ZNF486: variants seen among roughly 807,000 people sequenced by gnomAD.
ZNF486 encodes zinc finger protein 486, also known as KRAB box only protein 2.
A neutral mutation model predicts 12.8 loss-of-function variants in ZNF486; 12 were observed. The observed-to-expected ratio is 0.94, with a 90% CI of 0.60 to 1.52. ZNF486 has a LOEUF of 1.52. ZNF486 is among the 40% of genes most tolerant of loss of function. ZNF486 has a pLI of 0.00. For synonymous variants in ZNF486, 231 were observed against 184.9 expected (o/e 1.25, Z -2.02); for missense variants, 738 against 545.0 (o/e 1.35, Z -3.53).
In ZNF486 at chr19:20,198,941, T is replaced by A. The variant is rs1044104543; in HGVS notation, c.*839T>A. 18 of 152,026 alleles carry A rather than the reference T, an allele frequency of 1.2e-4. No individual in the cohort carries two copies. The highest frequency in any genetic ancestry group is 4.4e-4 in the African/African-American group (18 of 41,376). 9.4% of individuals were successfully genotyped at this position (152,026 alleles called of 1,614,324 possible). A position where few individuals can be genotyped will look rare whatever the true frequency, so the allele number is the denominator to read the frequency against. ...CCAACTTTTCTATGCATAAAAAAAA[T>A]TATACTACACCATAGAAATGTATGA... On this transcript the variant is annotated 3_prime_UTR_variant, in exon 4 of 4. Coordinates refer to ENST00000335117, the MANE Select transcript of ZNF486 (RefSeq NM_052852.4).
intron 1 of ZNF486, among the ~76,000 whole-genome samples, chr19:20,167,697 G>T (rs1298067483): frequency 1.3e-5 from 2 of 152,130 alleles, no homozygotes; most frequent in Non-Finnish European, 2.9e-5. Flanking sequence ...GCGGGTTCAC[G>T]ATTCGGAAGA....
intron 1 of ZNF486, among the ~76,000 whole-genome samples, chr19:20,180,551 T>C (rs1555715406): frequency 1.3e-5 from 2 of 152,206 alleles, no homozygotes; most frequent in African/African-American, 4.8e-5. Flanking sequence ...CCTGAAGGGA[T>C]ATTTATGAAT....
chr19:20,196,847 G>A, intron 3 of ZNF486, 117 bp from the exon 4 acceptor site: 2 of 1,284,030 alleles, frequency 1.6e-6, no homozygotes, highest in Non-Finnish European at 2.1e-6. Flanking sequence ...TACAGCTTGT[G>A]GCATTTTGCT....
chr19:20,183,699 T>TATTA (rs10701063), intron 1 of ZNF486, among the ~76,000 whole-genome samples: 55,394 of 151,674 alleles, frequency 0.37, 13,898 homozygotes, highest in African/African-American at 0.71. Context: ...TTCTATTCAT[T>TATTA]ATTATGTTTA....
intron 1 of ZNF486, among the ~76,000 whole-genome samples, chr19:20,169,854 G>C (rs964682111): frequency 6.7e-6 from 1 of 149,656 alleles, no homozygotes; most frequent in Admixed American, 6.7e-5. Context: ...TGAAATCACC[G>C]TGTTCTTAGA....
intron 1 of ZNF486, among the ~76,000 whole-genome samples, chr19:20,172,440 A>G (rs2089658794): frequency 6.6e-6 from 1 of 151,944 alleles, no homozygotes; most frequent in Non-Finnish European, 1.5e-5. Context: ...CTGGGATTAC[A>G]GGCACCTGCA....
intron 3 of ZNF486, among the ~76,000 whole-genome samples, chr19:20,186,808 G>T (rs2089852788): frequency 3.3e-5 from 3 of 90,134 alleles, no homozygotes; most frequent in African/African-American, 5.6e-5. Flanking sequence ...TTTTGAGAAG[G>T]AGTCTTGCTC....
intron 1 of ZNF486, among the ~76,000 whole-genome samples, chr19:20,173,390 G>T (rs2089671150): frequency 6.6e-6 from 1 of 151,884 alleles, no homozygotes; most frequent in African/African-American, 2.4e-5. Context: ...ATTATTTCTG[G>T]GCTCTCTATT....
intron 1 of ZNF486, among the ~76,000 whole-genome samples, chr19:20,171,917 G>C (rs576275038): frequency 8.7e-4 from 132 of 151,538 alleles, no homozygotes; most frequent in African/African-American, 3.0e-3. Flanking sequence ...TCTCCTCTTT[G>C]TGTTCATGTG....
At position 20,198,251 on chromosome 19, in the gene ZNF486, G is replaced by GCAC. The variant is rs1555718440; in HGVS notation, c.*156_*158dup. On this transcript the variant is annotated 3_prime_UTR_variant, in exon 4 of 4. Transcript: ENST00000335117. ...CCTTAGTAGCTAGGATTACAGGGCT[G>GCAC]CACCACCACACCTGGCTAATTTTGT... 1 of 660,250 alleles carries GCAC rather than the reference G, an allele frequency of 1.5e-6. No homozygotes were observed. Among genetic ancestry groups the GCAC allele is most frequent in the African/African-American group, 1.8e-5 (1 of 54,662 alleles). The allele number at this position is 660,250 out of a possible 1,614,324, so 40.9% of individuals were successfully genotyped here.
chr19:20,178,464 G>T (rs144419606), intron 1 of ZNF486, among the ~76,000 whole-genome samples: 1 of 151,756 alleles, frequency 6.6e-6, no homozygotes, highest in African/African-American at 2.4e-5. Flanking sequence ...AGATGGTCTC[G>T]ATCTCCTGAC....
intron 2 of ZNF486, among the ~76,000 whole-genome samples, chr19:20,185,251 T>C (rs1245837559): frequency 1.3e-5 from 2 of 152,130 alleles, no homozygotes; most frequent in Non-Finnish European, 1.5e-5. Flanking sequence ...AAATTTATTA[T>C]TTAATGGTAT....
At chr19:20,196,835 A>C in intron 3 of ZNF486, 129 bp from the exon 4 acceptor site, 2 of 1,232,126 alleles carry the variant, frequency 1.6e-6, no homozygotes, top group Non-Finnish European at 2.2e-6. Context: ...CCAGGAAGAA[A>C]TTACAGCTTG....
chr19:20,182,765 T>G (rs1294744946), intron 1 of ZNF486, among the ~76,000 whole-genome samples: 3 of 152,148 alleles, frequency 2.0e-5, no homozygotes, highest in Non-Finnish European at 2.9e-5. Flanking sequence ...TAGGTGGGCT[T>G]TTTCTGTCAT....
chr19:20,178,697 C>T (rs782252104), intron 1 of ZNF486, among the ~76,000 whole-genome samples: 1 of 152,212 alleles, frequency 6.6e-6, no homozygotes, highest in Non-Finnish European at 1.5e-5. Context: ...ATGCTGTCCC[C>T]TAAATATGCA....
Position 20,197,181 on chromosome 19 carries a change from T to C in ZNF486, c.471T>C (p.Gly157=). Residue 157 remains glycine, a synonymous_variant, in exon 4 of 4, where the codon GGT becomes GGC. Transcript: ENST00000335117. ...CCCAGAGCAAAATATTTCAATGTGG[T>C]AAATATGTGAAAGTCTTTCATCAAT... ...TTTQSKIFQC[G]KYVKVFHQFS... The C allele has an allele frequency of 6.2e-7, 1 of 1,613,636 alleles. No individual in the cohort carries two copies. Among genetic ancestry groups the C allele is most frequent in the African/African-American group, 1.3e-5 (1 of 75,028 alleles).
In ZNF486 at chr19:20,197,616, T is replaced by G. The variant is rs782477857; in HGVS notation, c.906T>G (p.Ala302=). 5 of 1,613,690 alleles carry G rather than the reference T, an allele frequency of 3.1e-6. No homozygotes were observed. The highest frequency in any genetic ancestry group is 4.2e-6 in the Non-Finnish European group (5 of 1,179,808). The change falls in exon 4 of 4, where the codon GCT becomes GCG. Residue 302 remains alanine (A), a synonymous_variant. Coordinates refer to ENST00000335117, the MANE Select transcript of ZNF486 (RefSeq NM_052852.4). ...QPYKCKECDK[A]FNHPATLSSH... is the part of the protein sequence containing the mutation. ...ACAAATGTAAAGAATGTGACAAAGC[T>G]TTTAACCATCCTGCAACTCTTTCTT...
chr19:20,167,843 A>G (rs2089601780), intron 1 of ZNF486, among the ~76,000 whole-genome samples: 1 of 150,838 alleles, frequency 6.6e-6, no homozygotes, highest in Admixed American at 6.6e-5. Flanking sequence ...AAGGGTTGCT[A>G]GGACAACTAA....
chr19:20,170,187 G>T (rs2089634168), intron 1 of ZNF486, among the ~76,000 whole-genome samples: 1 of 149,734 alleles, frequency 6.7e-6, no homozygotes, highest in Non-Finnish European at 1.5e-5. Flanking sequence ...GTGAGCCACC[G>T]CGCCCGGCCA....
Sources: gnomAD v4.1 joint callset for allele counts (sites outside exome capture counted in the v4.1 genomes callset) on GRCh38, gnomAD v4.1.1 for gene constraint, MANE v1.5 for transcripts, NCBI Gene and HGNC (gene_info 2026-07-23, HGNC 2026-07-21) for gene names.